The following ASTN2 variants were observed in gnomAD, a reference collection of about 807,000 sequenced individuals.
The protein encoded by ASTN2 is astrotactin-2.
A neutral mutation model predicts 139.8 loss-of-function variants in ASTN2; 54 were observed. That is an observed-to-expected ratio of 0.39 (90% CI 0.31 to 0.48). The LOEUF (loss-of-function observed/expected upper bound fraction) is 0.48, where lower values mean the gene tolerates loss of function less well. Ranked by LOEUF, ASTN2 falls within the 20% of genes least tolerant of loss-of-function variation. The pLI, the probability that ASTN2 is intolerant of heterozygous loss-of-function variation, is 0.95. For missense variants in ASTN2, 1,565 were observed against 1,725.1 expected (o/e 0.91, Z 1.64); for synonymous variants, 756 against 719.5 (o/e 1.05, Z -0.81).
intron 12 of ASTN2, among the ~76,000 whole-genome samples, chr9:116,815,919 G>C (rs551729966): frequency 6.7e-6 from 1 of 150,008 alleles, no homozygotes; most frequent in Non-Finnish European, 1.5e-5. Flanking sequence ...TATAACTCCT[G>C]AAAACAAAAC....
At chr9:116,641,678 C>A (rs1564175850) in intron 17 of ASTN2, among the ~76,000 whole-genome samples, 1 of 152,090 alleles carries the variant, frequency 6.6e-6, no homozygotes, top group African/African-American at 2.4e-5. Context: ...AAAATGTTTG[C>A]ATTTGCTAAA....
intron 19 of ASTN2, among the ~76,000 whole-genome samples, chr9:116,556,703 A>C (rs1852635976): frequency 6.6e-6 from 1 of 152,128 alleles, no homozygotes; most frequent in Non-Finnish European, 1.5e-5. Context: ...TAGTGACCCT[A>C]ATGTCCCTAA....
chr9:116,647,792 T>G (rs1857676604), intron 17 of ASTN2, among the ~76,000 whole-genome samples: 1 of 152,152 alleles, frequency 6.6e-6, no homozygotes, highest in African/African-American at 2.4e-5. Context: ...GATACAACAC[T>G]AGTCGAACCA....
intron 5 of ASTN2, among the ~76,000 whole-genome samples, chr9:117,054,983 C>T (rs1287198432): frequency 2.0e-5 from 3 of 152,184 alleles, no homozygotes; most frequent in African/African-American, 4.8e-5. Context: ...AGGGTTGGTG[C>T]TCCTATGAGA....
At chr9:117,413,942 C>G (rs902836628) in intron 1 of ASTN2, among the ~76,000 whole-genome samples, 1 of 152,162 alleles carries the variant, frequency 6.6e-6, no homozygotes, top group African/African-American at 2.4e-5. Context: ...AGAAGGGAAG[C>G]GACTTGGCCA....
chr9:116,457,243 A>C (rs1848360106), intron 20 of ASTN2, among the ~76,000 whole-genome samples: 1 of 152,198 alleles, frequency 6.6e-6, no homozygotes, highest in South Asian at 2.1e-4. Flanking sequence ...TCATATTACG[A>C]AACTACTACA....
intron 16 of ASTN2, among the ~76,000 whole-genome samples, chr9:116,695,639 C>T (rs906401194): frequency 6.6e-6 from 1 of 152,180 alleles, no homozygotes; most frequent in African/African-American, 2.4e-5. Context: ...ATCTGCAGAT[C>T]ACAAGACTGC....
intron 22 of ASTN2, among the ~76,000 whole-genome samples, chr9:116,440,098 T>C (rs987948432): frequency 1.3e-5 from 2 of 152,216 alleles, no homozygotes; most frequent in African/African-American, 2.4e-5. Flanking sequence ...GTTCCTGGCA[T>C]AGTGACTGGC....
At chr9:117,358,902 A>G (rs1051017972) in intron 1 of ASTN2, among the ~76,000 whole-genome samples, 8 of 152,040 alleles carry the variant, frequency 5.3e-5, no homozygotes, top group Non-Finnish European at 1.0e-4. Context: ...CCTTTCTGCA[A>G]AGGCCTACCC....
At chr9:117,304,296 G>A (rs532959249) in intron 1 of ASTN2, among the ~76,000 whole-genome samples, 2 of 152,246 alleles carry the variant, frequency 1.3e-5, no homozygotes, top group South Asian at 2.1e-4. Flanking sequence ...CCACAAGATG[G>A]GGTTGGGCTT....
At chr9:117,340,678 GC>G (rs1829039295) in intron 1 of ASTN2, among the ~76,000 whole-genome samples, 1 of 152,142 alleles carries the variant, frequency 6.6e-6, no homozygotes, top group Admixed American at 6.5e-5. Flanking sequence ...GAGGTCACAG[GC>G]AGAAATGCTC....
At chr9:116,613,058 A>G (rs1588082728) in intron 19 of ASTN2, 2 of 152,328 alleles carry the variant, frequency 1.3e-5, no homozygotes, top group South Asian at 4.1e-4. Flanking sequence ...CCGATCCCAC[A>G]GAAATACAAA....
intron 16 of ASTN2, chr9:116,687,061 C>G (rs1476831852): frequency 7.7e-7 from 1 of 1,294,514 alleles, no homozygotes; most frequent in Non-Finnish European, 9.9e-7. Flanking sequence ...TATCTCCTGA[C>G]TTACTGAGTG....
intron 16 of ASTN2, among the ~76,000 whole-genome samples, chr9:116,658,720 C>T (rs545894162): frequency 3.5e-5 from 5 of 144,004 alleles, no homozygotes; most frequent in South Asian, 2.3e-4. Context: ...CCTTCCTAAT[C>T]CTGACCACCG....
intron 10 of ASTN2, among the ~76,000 whole-genome samples, chr9:116,947,170 T>G (rs1564354744): frequency 6.6e-6 from 1 of 152,178 alleles, no homozygotes; most frequent in Non-Finnish European, 1.5e-5. Flanking sequence ...CCTTATTTTA[T>G]TCCCTGATCC....
chr9:116,925,583 GCTTGGGT>G (rs1459064159), intron 10 of ASTN2, among the ~76,000 whole-genome samples: 1 of 152,072 alleles, frequency 6.6e-6, no homozygotes, highest in Non-Finnish European at 1.5e-5. Context: ...GATAAAGGAA[GCTTGGGT>G]CTGTCTCTGG....
chr9:116,651,456 A>AC, intron 17 of ASTN2, 72 bp downstream of exon 17: 1 of 1,535,426 alleles, frequency 6.5e-7, no homozygotes, highest in Non-Finnish European at 8.9e-7. Flanking sequence ...ACCCCTGGAC[A>AC]AAGGGTCCAC....
intron 5 of ASTN2, among the ~76,000 whole-genome samples, chr9:117,080,205 T>C (rs1828389995): frequency 6.6e-6 from 1 of 152,222 alleles, no homozygotes; most frequent in African/African-American, 2.4e-5. Flanking sequence ...CACCTACATA[T>C]TTCTTTTTTA....
At chr9:116,879,257 G>A (rs1391103672) in intron 10 of ASTN2, among the ~76,000 whole-genome samples, 1 of 152,056 alleles carries the variant, frequency 6.6e-6, no homozygotes, top group Non-Finnish European at 1.5e-5. Context: ...ATAACATAAT[G>A]TGGCTTCCCA....
Sources: allele counts gnomAD v4.1 joint callset (sites outside exome capture counted in the v4.1 genomes callset), GRCh38; gene constraint gnomAD v4.1.1; transcripts MANE v1.5; gene names NCBI Gene and HGNC (gene_info 2026-07-23, HGNC 2026-07-21).